The following SYNPO variants were observed in gnomAD, a reference collection of about 807,000 sequenced individuals.
SYNPO encodes the protein synaptopodin.
SYNPO carries 19 observed loss-of-function variants against 49.5 expected under a neutral mutation model. The ratio of observed to expected loss-of-function variants is 0.38; its 90% CI spans 0.27 to 0.56. The LOEUF (loss-of-function observed/expected upper bound fraction) is 0.56. Among genes scored for constraint, SYNPO ranks in the 20% least tolerant of loss-of-function variants. The pLI is 0.68. For missense variants in SYNPO, 1,131 were observed against 1,248.3 expected (o/e 0.91, Z 1.42); for synonymous variants, 536 against 548.0 (o/e 0.98, Z 0.31).
the SYNPO span, among the ~76,000 whole-genome samples, chr5:150,590,184 A>C: frequency 6.6e-6 from 1 of 152,216 alleles, no homozygotes; most frequent in African/African-American, 2.4e-5. Context: ...TCTGAGCTGG[A>C]GCCTGCCTCT....
chr5:150,598,489 C>T (rs531232200), upstream of SYNPO, among the ~76,000 whole-genome samples: 1 of 152,332 alleles, frequency 6.6e-6, no homozygotes, highest in South Asian at 2.1e-4. Context: ...TACCAGCTTT[C>T]TGGGGTTGTC....
chr5:150,617,734 A>G (rs967353233), intron 1 of SYNPO: 2 of 152,194 alleles, frequency 1.3e-5, no homozygotes, highest in African/African-American at 4.8e-5. Flanking sequence ...GGTGGTGTCT[A>G]GATACGTGTT....
upstream of SYNPO, among the ~76,000 whole-genome samples, chr5:150,637,215 A>G (rs1757745519): frequency 6.6e-6 from 1 of 152,006 alleles, no homozygotes; most frequent in Non-Finnish European, 1.5e-5. Context: ...CTGTGGGAGG[A>G]GCGGGCAGGC....
chr5:150,656,463 C>T lies in SYNPO; in HGVS notation c.2088C>T (p.Pro696=), dbSNP rs1477615611. The T allele has an allele frequency of 1.1e-5, 17 of 1,532,866 alleles. No individual in the cohort carries two copies. The highest frequency in any genetic ancestry group is 1.7e-4 in the Middle Eastern group (1 of 5,824). 95.0% of individuals were successfully genotyped at this position (1,532,866 alleles called of 1,614,324 possible). ...PPWTPGASRP[P]SSLDGWVSPG... ...GGACGCCGGGCGCGTCCCGGCCCCCCAGCAGCCTAGACGGCTGGGTGAGCC... is the reference window on the plus strand; with the variant it reads ...GGACGCCGGGCGCGTCCCGGCCCCCTAGCAGCCTAGACGGCTGGGTGAGCC... The change falls in exon 3 of 3, where the codon CCC becomes CCT. Residue 696 remains proline, a synonymous_variant. Coordinates refer to ENST00000307662, the MANE Select transcript of SYNPO (RefSeq NM_007286.6).
At chr5:150,612,595 G>C (rs1756878720) in intron 1 of SYNPO, among the ~76,000 whole-genome samples, 1 of 152,136 alleles carries the variant, frequency 6.6e-6, no homozygotes, top group African/African-American at 2.4e-5. Context: ...TGTGAGCTTG[G>C]CAAGTCATCG....
chr5:150,603,733 G>A (rs1367989902), intron 1 of SYNPO, among the ~76,000 whole-genome samples: 1 of 151,948 alleles, frequency 6.6e-6, no homozygotes, highest in Non-Finnish European at 1.5e-5. Context: ...GCAGAGGAAG[G>A]AGCACAGGGC....
In SYNPO at chr5:150,658,768, G is replaced by A. The variant is rs866897441; in HGVS notation, c.*1681G>A. On this transcript the variant is annotated 3_prime_UTR_variant, in exon 3 of 3. Coordinates refer to ENST00000307662, the MANE Select transcript of SYNPO (RefSeq NM_007286.6). ...GGAGTTAAGGTCAGTATGGAAGATA[G>A]GGTTGGGACAGGGTGCTTTGGAATG... The A allele has an allele frequency of 6.6e-6, 1 of 152,584 alleles. No individual in the cohort carries two copies. Among genetic ancestry groups the A allele is most frequent in the East Asian group, 1.9e-4 (1 of 5,336 alleles). The allele number at this position is 152,584 out of a possible 1,614,324, so 9.5% of individuals were successfully genotyped here.
At chr5:150,586,611 T>TG in the SYNPO span, among the ~76,000 whole-genome samples, 1 of 150,998 alleles carries the variant, frequency 6.6e-6, no homozygotes, top group African/African-American at 2.5e-5. Context: ...GATGGATGGA[T>TG]GATGTCTGGG....
At chr5:150,636,614 T>C (rs1282335053), upstream of SYNPO, among the ~76,000 whole-genome samples, 1 of 152,236 alleles carries the variant, frequency 6.6e-6, no homozygotes, top group Non-Finnish European at 1.5e-5. Flanking sequence ...AGGAGACTCC[T>C]CCTGTTGGAG....
At chr5:150,588,458 C>T in the SYNPO span, among the ~76,000 whole-genome samples, 1 of 152,144 alleles carries the variant, frequency 6.6e-6, no homozygotes, top group Non-Finnish European at 1.5e-5. Flanking sequence ...CCTCAGGCTG[C>T]CTGTCCCCAC....
At chr5:150,646,747 TAAAA>T (rs796848174) in intron 1 of SYNPO, among the ~76,000 whole-genome samples, 1 of 139,742 alleles carries the variant, frequency 7.2e-6, no homozygotes, top group Non-Finnish European at 1.5e-5. Flanking sequence ...AAATACAAAT[TAAAA>T]AAAGCAGACG....
intron 2 of SYNPO, chr5:150,652,512 G>A (rs1342509326): frequency 6.1e-6 from 4 of 660,232 alleles, no homozygotes; most frequent in East Asian, 1.4e-4. Flanking sequence ...TGGTACAGAC[G>A]TGTGCTGGGT....
At chr5:150,605,962 A>G (rs913083040) in intron 1 of SYNPO, among the ~76,000 whole-genome samples, 1 of 152,176 alleles carries the variant, frequency 6.6e-6, no homozygotes, top group African/African-American at 2.4e-5. Context: ...TGTTACAAAG[A>G]TACACACAAA....
chr5:150,622,476 G>A (rs531779266), intron 2 of SYNPO, among the ~76,000 whole-genome samples: 2 of 152,312 alleles, frequency 1.3e-5, no homozygotes, highest in East Asian at 1.9e-4. Context: ...GGTACTCACC[G>A]CTGATGCCTC....
chr5:150,591,776 TTCTC>T, the SYNPO span, among the ~76,000 whole-genome samples: 1 of 152,084 alleles, frequency 6.6e-6, no homozygotes, highest in South Asian at 2.1e-4. Context: ...CTGAGACTTG[TTCTC>T]TCTCTCTCTG....
chr5:150,619,056 A>G (rs998707213), intron 2 of SYNPO, among the ~76,000 whole-genome samples: 1 of 151,794 alleles, frequency 6.6e-6, no homozygotes, highest in Non-Finnish European at 1.5e-5. Context: ...AAAAATGCCC[A>G]TTTCCCACTC....
At chr5:150,652,004 GC>G (rs1758404612) in intron 2 of SYNPO, 1 of 1,000,444 alleles carries the variant, frequency 1.0e-6, no homozygotes, top group African/African-American at 1.7e-5. Context: ...CCCCAGTGGG[GC>G]AAGGGGTGGT....
rs750774759 is a variant in SYNPO, at chr5:150,649,319, C to A, written c.1044C>A (p.Asp348Glu). 1.4e-5 allele frequency: 22 copies of A among 1,614,112 alleles called. No individual in the cohort carries two copies. The highest frequency in any genetic ancestry group is 2.2e-5 in the South Asian group (2 of 91,090). The change falls in exon 2 of 3, where the codon GAC becomes GAA. Residue 348 changes from aspartate (D) to glutamate (E), a missense_variant. Asp to Glu is a conservative substitution (Grantham distance 45). Transcript: ENST00000307662. ...PSYSVLYPSS[D>E]PKSSHLKGQA... ...ATTCTGTCCTGTATCCCAGCTCCGA[C>A]CCCAAGTCTTCTCATCTGAAGGGCC...
upstream of SYNPO, among the ~76,000 whole-genome samples, chr5:150,639,336 A>G (rs947588637): frequency 2.0e-5 from 3 of 152,168 alleles, no homozygotes; most frequent in Non-Finnish European, 4.4e-5. Flanking sequence ...TGGGTTTCTG[A>G]GTTTTCTCAA....
Sources: gnomAD v4.1 joint callset for allele counts (sites outside exome capture counted in the v4.1 genomes callset) on GRCh38, gnomAD v4.1.1 for gene constraint, MANE v1.5 for transcripts, NCBI Gene and HGNC (gene_info 2026-07-23, HGNC 2026-07-21) for gene names.